Variants in MDFIC2 observed in about 807,000 individuals in gnomAD.
MDFIC2 encodes the protein MyoD family inhibitor domain containing 2, also known as myoD family inhibitor domain-containing protein 2.
At chr3:70,234,972 G>A (rs189932667) in intron 2 of MDFIC2, among the ~76,000 whole-genome samples, 20 of 152,240 alleles carry the variant, frequency 1.3e-4, no homozygotes, top group Admixed American at 7.2e-4. Flanking sequence ...TGGGCATCAC[G>A]ATTTTTAGCA....
intron 2 of MDFIC2, among the ~76,000 whole-genome samples, chr3:70,308,583 A>G (rs1453723423): frequency 6.6e-6 from 1 of 152,172 alleles, no homozygotes; most frequent in Non-Finnish European, 1.5e-5. Context: ...GTCAAGGGCA[A>G]TTAGGAGCCT....
At chr3:70,307,318 G>T (rs114153725) in intron 2 of MDFIC2, among the ~76,000 whole-genome samples, 3,461 of 152,184 alleles carry the variant, frequency 0.023, 82 homozygotes, top group South Asian at 0.079. Flanking sequence ...GAAATCGTGT[G>T]CACTTCAAAC....
chr3:70,239,522 T>G (rs566929386), intron 2 of MDFIC2, among the ~76,000 whole-genome samples: 1 of 129,888 alleles, frequency 7.7e-6, no homozygotes, highest in South Asian at 2.3e-4. Flanking sequence ...GCCAATCACT[T>G]TCTAGGGAGT....
In MDFIC2 at chr3:70,293,117, A is replaced by C. The variant is rs946807377; in HGVS notation, c.88+18769T>G. 7.3e-5 allele frequency among the ~76,000 whole-genome samples: 11 copies of C among 151,402 alleles called. No homozygotes were observed. The South Asian group carries it at 1.7e-3, about 23-fold the overall frequency. On this transcript the variant is annotated intron_variant, in intron 2 of 3. Transcript: ENST00000567252. The stretch of plus-strand genomic sequence containing the variant: ...AAGAAAGAAAATTCAGTATTCACCA[A>C]CTGCTGCTCTCCCTCCAGCTTTTTA...
At chr3:70,249,353 AG>A (rs1024068136) in intron 2 of MDFIC2, among the ~76,000 whole-genome samples, 1 of 152,082 alleles carries the variant, frequency 6.6e-6, no homozygotes, top group African/African-American at 2.4e-5. Context: ...TCAGTGTCTA[AG>A]GGGGGGATCT....
chr3:70,208,778 A>G (rs1031968970), intron 2 of MDFIC2, among the ~76,000 whole-genome samples: 148 of 152,002 alleles, frequency 9.7e-4, no homozygotes, highest in Admixed American at 5.5e-3. Context: ...GTAATACACA[A>G]CTGTCTTAGG....
intron 2 of MDFIC2, among the ~76,000 whole-genome samples, chr3:70,239,140 T>C (rs770517243): frequency 3.3e-5 from 5 of 152,226 alleles, no homozygotes; most frequent in Admixed American, 3.3e-4. Context: ...ATCAGTTCTA[T>C]TCAATTTGCA....
intron 3 of MDFIC2, chr3:70,205,580 T>C (rs1390624724): frequency 6.6e-6 from 1 of 152,032 alleles, no homozygotes; most frequent in Non-Finnish European, 1.5e-5. Context: ...ACATACCCCA[T>C]GGTGTGAACT....
chr3:70,263,740 C>T (rs1024888580), intron 2 of MDFIC2, among the ~76,000 whole-genome samples: 25 of 152,122 alleles, frequency 1.6e-4, no homozygotes, highest in Non-Finnish European at 3.5e-4. Context: ...CTCTGCCTCC[C>T]CAAATTTCAA....
At chr3:70,220,304 GC>G (rs1409338430) in intron 2 of MDFIC2, among the ~76,000 whole-genome samples, 7 of 152,062 alleles carry the variant, frequency 4.6e-5, no homozygotes, top group African/African-American at 1.7e-4. Flanking sequence ...AGTGTCTCAT[GC>G]CTGTAATCCC....
At chr3:70,203,738 C>T (rs1701265221) in intron 3 of MDFIC2, among the ~76,000 whole-genome samples, 1 of 152,150 alleles carries the variant, frequency 6.6e-6, no homozygotes, top group African/African-American at 2.4e-5. Context: ...TGATTTTCCT[C>T]TTCCACCTGG....
At chr3:70,307,018 G>A (rs988356800) in intron 2 of MDFIC2, among the ~76,000 whole-genome samples, 4 of 152,102 alleles carry the variant, frequency 2.6e-5, no homozygotes, top group Admixed American at 2.0e-4. Flanking sequence ...TAGAGAGATA[G>A]AGAGAAAATC....
intron 3 of MDFIC2, among the ~76,000 whole-genome samples, chr3:70,202,144 G>A (rs1302293430): frequency 6.6e-6 from 1 of 152,116 alleles, no homozygotes; most frequent in Non-Finnish European, 1.5e-5. Context: ...ATAGTGATTG[G>A]TGACTGACTA....
At chr3:70,215,012 A>T (rs1559536932) in intron 2 of MDFIC2, among the ~76,000 whole-genome samples, 1 of 152,060 alleles carries the variant, frequency 6.6e-6, no homozygotes, top group Non-Finnish European at 1.5e-5. Context: ...TATACAGTCA[A>T]TTTTTTTACT....
chr3:70,296,963 A>G (rs1240229376), intron 2 of MDFIC2, among the ~76,000 whole-genome samples: 1 of 151,938 alleles, frequency 6.6e-6, no homozygotes, highest in African/African-American at 2.4e-5. Context: ...TTTATTGTCA[A>G]TATCTGATCT....
chr3:70,290,631 G>A (rs1363601344), intron 2 of MDFIC2, among the ~76,000 whole-genome samples: 2 of 152,212 alleles, frequency 1.3e-5, no homozygotes, highest in African/African-American at 4.8e-5. Context: ...CAGCAAGCCT[G>A]GGCAATGGCG....
chr3:70,215,566 G>A (rs891706743), intron 2 of MDFIC2, among the ~76,000 whole-genome samples: 1 of 151,970 alleles, frequency 6.6e-6, no homozygotes. Context: ...ACTGTCCCCT[G>A]CAACTCCAAT....
rs563236001 is a variant in MDFIC2 at position 70,297,593 on chromosome 3, T to C, written c.88+14293A>G. Among the ~76,000 whole-genome samples, 20 of 152,258 alleles carry C rather than the reference T, an allele frequency of 1.3e-4. No individual in the cohort carries two copies. The South Asian group carries it at 4.1e-3, about 32-fold the overall frequency. On this transcript the variant is annotated intron_variant, in intron 2 of 3. Coordinates refer to ENST00000567252, the MANE Select transcript of MDFIC2 (RefSeq NM_001364677.1). Reference sequence around the variant, plus strand: ...TGTATATTTGTGTTATCGGAATTCTTTGAAATGAAATGCATTAAATTCTTC... The same window carrying C: ...TGTATATTTGTGTTATCGGAATTCTCTGAAATGAAATGCATTAAATTCTTC...
chr3:70,284,386 C>G (rs1314026359), intron 2 of MDFIC2, among the ~76,000 whole-genome samples: 3 of 152,110 alleles, frequency 2.0e-5, no homozygotes, highest in African/African-American at 7.2e-5. Flanking sequence ...CAGCAAGACT[C>G]TATTAAACTT....
Sources: allele counts gnomAD v4.1 joint callset (sites outside exome capture counted in the v4.1 genomes callset), GRCh38; gene constraint gnomAD v4.1.1; transcripts MANE v1.5; gene names NCBI Gene and HGNC (gene_info 2026-07-23, HGNC 2026-07-21).